The following DCAF8L2 variants were observed in gnomAD, a reference collection of about 807,000 sequenced individuals.
DCAF8L2 encodes the protein DDB1- and CUL4-associated factor 8-like protein 2.
For synonymous variants in DCAF8L2, 200 were observed against 190.9 expected (o/e 1.05, Z -0.39); for missense variants, 430 against 490.7 (o/e 0.88, Z 1.17).
At chrX:27,640,103 T>A (rs1928656681) in intron 2 of DCAF8L2, among the ~76,000 whole-genome samples, 1 of 111,312 alleles carries the variant, frequency 9.0e-6, no homozygotes, top group Admixed American at 9.6e-5. Context: ...CACCAATGAG[T>A]TCATGTCCTT....
chrX:27,496,483 A>G, the DCAF8L2 span, among the ~76,000 whole-genome samples: 1 of 111,489 alleles, frequency 9.0e-6, no homozygotes, highest in African/African-American at 3.3e-5. Flanking sequence ...AAATTCTTAT[A>G]CAGGGAATTC....
intron 4 of DCAF8L2, among the ~76,000 whole-genome samples, chrX:27,727,505 C>T (rs1467179006): frequency 1.8e-5 from 2 of 111,395 alleles, no homozygotes; most frequent in Admixed American, 9.6e-5. Context: ...TGTTTTATTT[C>T]GTTGATCTAT....
chrX:27,658,506 T>C (rs1411878569), intron 2 of DCAF8L2, among the ~76,000 whole-genome samples: 2 of 112,064 alleles, frequency 1.8e-5, no homozygotes, highest in African/African-American at 3.2e-5. Context: ...GTTATGTTTT[T>C]TAAGATTAAA....
rs186350522 is a variant in DCAF8L2 at position 27,702,345 on chromosome X, A to G, written c.-142-13743A>G. ...AAAAATAGAAGATGGAGCAGGTCCCAAATCATTCTTTGAGTCCAGTATTAC... is the reference window on the plus strand; with the variant it reads ...AAAAATAGAAGATGGAGCAGGTCCCGAATCATTCTTTGAGTCCAGTATTAC... On this transcript the variant is annotated intron_variant, in intron 3 of 4. Coordinates refer to ENST00000451261, the MANE Select transcript of DCAF8L2 (RefSeq NM_001353450.2). 2.7e-3 allele frequency among the ~76,000 whole-genome samples: 301 copies of G among 109,712 alleles called. 2 individuals are homozygous for G. Among genetic ancestry groups the G allele is most frequent in the African/African-American group, 9.0e-3 (273 of 30,259 alleles).
chrX:27,748,227 C>T lies in DCAF8L2; in HGVS notation c.1332C>T (p.Asp444=), dbSNP rs747493517. ...GTELLASYND[D]DIYLFNSSHS... ...AGCTGCTAGCCAGCTACAATGATGACGATATTTACCTCTTCAACTCCTCTC... is the reference window on the plus strand; with the variant it reads ...AGCTGCTAGCCAGCTACAATGATGATGATATTTACCTCTTCAACTCCTCTC... Residue 444 remains aspartate, a synonymous_variant, in exon 5 of 5, where the codon GAC becomes GAT. Transcript: ENST00000451261. 50 of 1,210,129 alleles carry T rather than the reference C, an allele frequency of 4.1e-5. No individual in the cohort carries two copies. The highest frequency in any genetic ancestry group is 2.3e-4 in the Middle Eastern group (1 of 4,373).
chrX:27,649,563 G>C (rs1487243721), intron 2 of DCAF8L2, among the ~76,000 whole-genome samples: 1 of 111,867 alleles, frequency 8.9e-6, no homozygotes, highest in African/African-American at 3.2e-5. Context: ...GTGATTAGTG[G>C]TGTTGAGCAT....
the DCAF8L2 span, among the ~76,000 whole-genome samples, chrX:27,562,044 A>C: frequency 3.4e-3 from 386 of 111,954 alleles, 1 homozygote; most frequent in African/African-American, 0.011. Flanking sequence ...TGAAGGTTTC[A>C]GTTTTTTCAC....
chrX:27,695,002 TTTTC>T (rs1182492947), intron 3 of DCAF8L2, among the ~76,000 whole-genome samples: 1 of 112,214 alleles, frequency 8.9e-6, no homozygotes, highest in African/African-American at 3.2e-5. Flanking sequence ...TAAATTGCTC[TTTTC>T]TTTCTTCTTT....
chrX:27,692,242 G>A (rs1016609020), intron 3 of DCAF8L2, among the ~76,000 whole-genome samples: 1 of 111,412 alleles, frequency 9.0e-6, no homozygotes, highest in African/African-American at 3.3e-5. Flanking sequence ...CTGGCTTCTT[G>A]GAGATATGTA....
chrX:27,515,661 A>G, the DCAF8L2 span, among the ~76,000 whole-genome samples: 5 of 112,679 alleles, frequency 4.4e-5, no homozygotes, highest in African/African-American at 1.6e-4. Flanking sequence ...CTACAAATAG[A>G]TCATAAACAG....
upstream of DCAF8L2, among the ~76,000 whole-genome samples, chrX:27,590,088 A>G (rs1421620061): frequency 8.1e-5 from 9 of 111,397 alleles, no homozygotes; most frequent in Non-Finnish European, 1.7e-4. Context: ...ATCCCAAACA[A>G]TTACTGGAAT....
At chrX:27,703,690 T>C (rs923831427) in intron 3 of DCAF8L2, among the ~76,000 whole-genome samples, 4 of 110,965 alleles carry the variant, frequency 3.6e-5, no homozygotes, top group African/African-American at 1.3e-4. Context: ...AGTTGGACCC[T>C]GAACTCACAC....
intron 2 of DCAF8L2, among the ~76,000 whole-genome samples, chrX:27,658,553 A>G (rs963631656): frequency 3.6e-5 from 4 of 112,439 alleles, no homozygotes; most frequent in Admixed American, 9.5e-5. Flanking sequence ...CACTTCCCCT[A>G]TCTCACACCA....
chrX:27,588,820 C>G (rs943348682), upstream of DCAF8L2, among the ~76,000 whole-genome samples: 64 of 108,601 alleles, frequency 5.9e-4, 1 homozygote, highest in African/African-American at 2.2e-3. Context: ...TGAATTCATC[C>G]CTCCCCACCA....
At chrX:27,533,176 A>AGAGAGAGAGAGAGAGAGAG in the DCAF8L2 span, among the ~76,000 whole-genome samples, 2 of 14,844 alleles carry the variant, frequency 1.3e-4, no homozygotes, top group Non-Finnish European at 1.5e-4. Flanking sequence ...GAAAGAAAGA[A>AGAGAGAGAGAGAGAGAGAG]AGAAAGAAAG....
At chrX:27,599,241 C>T (rs1451916328) in intron 1 of DCAF8L2, among the ~76,000 whole-genome samples, 1 of 110,969 alleles carries the variant, frequency 9.0e-6, no homozygotes, top group African/African-American at 3.3e-5. Flanking sequence ...CTGGAGGATA[C>T]TATGTTAAGC....
At chrX:27,613,215 G>A (rs985788809) in intron 1 of DCAF8L2, among the ~76,000 whole-genome samples, 1 of 111,164 alleles carries the variant, frequency 9.0e-6, no homozygotes, top group East Asian at 2.8e-4. Context: ...TGTAGCAATT[G>A]TGAATGGGAG....
chrX:27,703,716 AAAT>A (rs1931216393), intron 3 of DCAF8L2, among the ~76,000 whole-genome samples: 1 of 110,107 alleles, frequency 9.1e-6, no homozygotes, highest in Non-Finnish European at 1.9e-5. Flanking sequence ...ACACACATGA[AAAT>A]AATTCAAAAT....
At chrX:27,546,116 A>C in the DCAF8L2 span, among the ~76,000 whole-genome samples, 26 of 112,251 alleles carry the variant, frequency 2.3e-4, no homozygotes, top group Admixed American at 2.4e-3. Flanking sequence ...ATGTGGATGC[A>C]GGCATTCTGG....
Sources: allele counts gnomAD v4.1 joint callset (sites outside exome capture counted in the v4.1 genomes callset), GRCh38; gene constraint gnomAD v4.1.1; transcripts MANE v1.5; gene names NCBI Gene and HGNC (gene_info 2026-07-23, HGNC 2026-07-21).